HSD17B4: variants seen among roughly 807,000 people sequenced by gnomAD.
HSD17B4 encodes the protein peroxisomal multifunctional enzyme type 2.
HSD17B4 carries 70 observed loss-of-function variants against 101.0 expected under a neutral mutation model. The observed-to-expected ratio is 0.69, with a 90% confidence interval of 0.57 to 0.85. The LOEUF is 0.85. Among genes scored for constraint, HSD17B4 ranks in the 40% least tolerant of loss-of-function variants. HSD17B4 has a pLI of 0.00. For missense variants in HSD17B4, 984 were observed against 892.4 expected (o/e 1.10, Z -1.31); for synonymous variants, 347 against 297.1 (o/e 1.17, Z -1.73).
chr5:119,509,373 A>G, intron 16 of HSD17B4, 129 bp downstream of exon 16: 1 of 738,930 alleles, frequency 1.4e-6, no homozygotes, highest in Non-Finnish European at 2.5e-6. Context: ...TACATCTGCC[A>G]CCCCTGGGAC....
chr5:119,529,136 A>G (rs17145459), intron 20 of HSD17B4, among the ~76,000 whole-genome samples: 1,744 of 152,294 alleles, frequency 0.011, 24 homozygotes, highest in Non-Finnish European at 0.019. Context: ...TGTAGTCAAG[A>G]GAATGATCTT....
chr5:119,491,514 T>C (rs983308203), intron 9 of HSD17B4, among the ~76,000 whole-genome samples: 2 of 93,240 alleles, frequency 2.1e-5, no homozygotes, highest in Non-Finnish European at 4.2e-5. Flanking sequence ...GAAAAAATTA[T>C]AGCAGTGAAA....
At chr5:119,456,732 G>A (rs557877189) in intron 2 of HSD17B4, 51 of 247,882 alleles carry the variant, frequency 2.1e-4, no homozygotes, top group Admixed American at 1.9e-3. Context: ...GGGTGATGGC[G>A]CAAAAAAAAC....
intron 2 of HSD17B4, among the ~76,000 whole-genome samples, chr5:119,465,984 T>C (rs781731566): frequency 1.3e-5 from 2 of 152,230 alleles, no homozygotes; most frequent in African/African-American, 2.4e-5. Context: ...CTTTGTTGTA[T>C]TGAGGTACAT....
At chr5:119,466,065 T>C (rs10463469) in intron 2 of HSD17B4, among the ~76,000 whole-genome samples, 21,894 of 152,214 alleles carry the variant, frequency 0.14, 1,665 homozygotes, top group African/African-American at 0.17. Flanking sequence ...TGCTTTCTCT[T>C]GAGATGATCA....
At chr5:119,493,646 A>G in intron 10 of HSD17B4, 172 bp from the exon 11 acceptor site, 1 of 603,646 alleles carries the variant, frequency 1.7e-6, no homozygotes, top group Admixed American at 2.8e-5. Context: ...ACCTTATCCT[A>G]GTGGGTTTGT....
chr5:119,539,965 C>A (rs1754849755), intron 23 of HSD17B4, among the ~76,000 whole-genome samples: 1 of 149,674 alleles, frequency 6.7e-6, no homozygotes, highest in African/African-American at 2.5e-5. Flanking sequence ...TGGTGGCACA[C>A]ACCTGTAGTC....
At chr5:119,533,931 A>G (rs1483738343) in intron 22 of HSD17B4, among the ~76,000 whole-genome samples, 1 of 152,122 alleles carries the variant, frequency 6.6e-6, no homozygotes, top group African/African-American at 2.4e-5. Flanking sequence ...CAGGTTTTAA[A>G]TATGCAATTT....
At chr5:119,491,924 A>G (rs1222856756) in intron 9 of HSD17B4, among the ~76,000 whole-genome samples, 176 bp from the exon 10 acceptor site, 1 of 152,178 alleles carries the variant, frequency 6.6e-6, no homozygotes, top group Non-Finnish European at 1.5e-5. Flanking sequence ...CTCCGATAAC[A>G]TGAGCAGTGC....
chr5:119,490,857 C>T (rs900246899), intron 9 of HSD17B4, among the ~76,000 whole-genome samples: 2 of 152,140 alleles, frequency 1.3e-5, no homozygotes, highest in Non-Finnish European at 2.9e-5. Context: ...CGTGAGCTAC[C>T]GCACCTGGCC....
intron 4 of HSD17B4, 43 bp from the exon 5 acceptor site, chr5:119,475,663 T>C (rs774280010): frequency 6.7e-7 from 1 of 1,500,404 alleles, no homozygotes; most frequent in Non-Finnish European, 9.3e-7. Context: ...TGCAAACTAA[T>C]ATGCTTGCTT....
At chr5:119,496,047 G>A (rs930137496) in intron 11 of HSD17B4, among the ~76,000 whole-genome samples, 5 of 152,152 alleles carry the variant, frequency 3.3e-5, no homozygotes, top group East Asian at 1.9e-4. Context: ...TGGTTATGAT[G>A]ATGATTTTCT....
At chr5:119,488,400 A>G (rs972314120) in intron 8 of HSD17B4, among the ~76,000 whole-genome samples, 7 of 152,146 alleles carry the variant, frequency 4.6e-5, no homozygotes, top group Admixed American at 1.3e-4. Context: ...GATAGAAGGA[A>G]TAAATTCTAG....
chr5:119,480,312 G>T (rs913746870), intron 8 of HSD17B4, among the ~76,000 whole-genome samples: 6 of 151,894 alleles, frequency 4.0e-5, no homozygotes, highest in African/African-American at 1.5e-4. Context: ...CGATAATTAC[G>T]TAGGTTCTTT....
At position 119,456,342 on chromosome 5, in the gene HSD17B4, T is replaced by C. The variant is rs373805649; in HGVS notation, c.86T>C (p.Phe29Ser). 1.2e-6 allele frequency: 2 copies of C among 1,611,418 alleles called. No individual in the cohort carries two copies. The highest frequency in any genetic ancestry group is 1.3e-5 in the African/African-American group (1 of 74,876). Residue 29 changes from phenylalanine (F) to serine (S), a missense_variant, in exon 2 of 24, where the codon TTT (phenylalanine) becomes TCT (serine). Physicochemically the swap from Phe to Ser is radical, Grantham distance 155. Transcript: ENST00000510025. The stretch of plus-strand genomic sequence containing the variant: ...TTGGGCCGAGCCTATGCCCTGGCTT[T>C]TGCAGAAAGAGGAGCGTTAGTTGTT... ...AGLGRAYALA[F>S]AERGALVVVN...
At chr5:119,498,126 T>G (rs1456119510) in intron 12 of HSD17B4, among the ~76,000 whole-genome samples, 1 of 152,220 alleles carries the variant, frequency 6.6e-6, no homozygotes, top group Non-Finnish European at 1.5e-5. Flanking sequence ...CTGTACTGGA[T>G]AAATAGGAAG....
At chr5:119,495,052 C>A (rs892186960) in intron 11 of HSD17B4, among the ~76,000 whole-genome samples, 1 of 146,520 alleles carries the variant, frequency 6.8e-6, no homozygotes, top group Admixed American at 6.7e-5. Context: ...TTTTTTTTCT[C>A]CTTAATGATA....
At chr5:119,505,690 G>A (rs1395582096) in intron 14 of HSD17B4, among the ~76,000 whole-genome samples, 2 of 152,014 alleles carry the variant, frequency 1.3e-5, no homozygotes, top group East Asian at 1.9e-4. Flanking sequence ...TATCATTGGT[G>A]AAGAGAGATA....
At chr5:119,456,501 G>T (rs1754681081) in intron 2 of HSD17B4, 133 bp downstream of exon 2, 1 of 707,960 alleles carries the variant, frequency 1.4e-6, no homozygotes, top group South Asian at 1.6e-5. Context: ...TTGCCAGAAG[G>T]TTTTTACCCC....
Sources: allele counts gnomAD v4.1 joint callset (sites outside exome capture counted in the v4.1 genomes callset), GRCh38; gene constraint gnomAD v4.1.1; transcripts MANE v1.5; gene names NCBI Gene and HGNC (gene_info 2026-07-23, HGNC 2026-07-21).